The following STK10 variants were observed in gnomAD, a reference collection of about 807,000 sequenced individuals.
STK10 encodes the protein serine/threonine-protein kinase 10.
A neutral mutation model predicts 113.8 loss-of-function variants in STK10; 78 were observed. The ratio of observed to expected loss-of-function variants is 0.69; its 90% CI spans 0.57 to 0.83. STK10 has a LOEUF of 0.83. Ranked by LOEUF, STK10 falls within the 40% of genes least tolerant of loss-of-function variation. The pLI is 0.00. For synonymous variants in STK10, 465 were observed against 494.7 expected, an observed-to-expected ratio of 0.94 and a Z score of 0.80; for missense variants, 1,109 against 1,280.1, an observed-to-expected ratio of 0.87 and a Z score of 2.04.
At chr5:172,159,285 A>G (rs545182261) in intron 1 of STK10, among the ~76,000 whole-genome samples, 72 of 152,260 alleles carry the variant, frequency 4.7e-4, no homozygotes, top group African/African-American at 1.1e-3. Flanking sequence ...CACGCCTACA[A>G]TCCCAGCATT....
chr5:172,053,517 G>A (rs1767677855), intron 17 of STK10, among the ~76,000 whole-genome samples: 1 of 152,226 alleles, frequency 6.6e-6, no homozygotes, highest in South Asian at 2.1e-4. Flanking sequence ...CAAGGAATGA[G>A]GGTCACTGAC....
chr5:172,154,366 A>T lies in STK10; in HGVS notation c.321+2258T>A, dbSNP rs1187275385. 2.6e-5 allele frequency among the ~76,000 whole-genome samples: 4 copies of T among 152,086 alleles called. No individual in the cohort carries two copies. In the East Asian group the frequency reaches 7.7e-4, roughly 29 times the overall value. On this transcript the variant is annotated intron_variant, in intron 2 of 18. Transcript: ENST00000176763. Reference sequence around the variant, plus strand: ...GGCCCCCAATTACTTTACCACCCTCATCTTTCACCACATGCTGCCCTGGCC... The same window carrying T: ...GGCCCCCAATTACTTTACCACCCTCTTCTTTCACCACATGCTGCCCTGGCC...
rs547714650 is a variant in STK10 at position 172,068,049 on chromosome 5, C to T, written c.1990-3237G>A. Reference sequence around the variant, plus strand: ...CCACCGGAGTATCATCCTTAAAGTGCTGAAAGAAGGGCCGGGCGCGGTGGC... The same window carrying T: ...CCACCGGAGTATCATCCTTAAAGTGTTGAAAGAAGGGCCGGGCGCGGTGGC... On this transcript the variant is annotated intron_variant, in intron 12 of 18. Coordinates refer to ENST00000176763, the MANE Select transcript of STK10 (RefSeq NM_005990.4). 2.6e-5 allele frequency among the ~76,000 whole-genome samples: 4 copies of T among 152,220 alleles called. No individual in the cohort carries two copies. In the South Asian group the frequency reaches 8.3e-4, roughly 32 times the overall value.
chr5:172,168,457 G>A (rs1770608085), intron 1 of STK10, among the ~76,000 whole-genome samples: 1 of 152,158 alleles, frequency 6.6e-6, no homozygotes. Context: ...TGAGTTTAGA[G>A]CCCACTAAGG....
intron 10 of STK10, among the ~76,000 whole-genome samples, chr5:172,088,525 A>G (rs961025696): frequency 2.0e-5 from 3 of 152,210 alleles, no homozygotes; most frequent in Non-Finnish European, 2.9e-5. Flanking sequence ...CTCCATCTCA[A>G]AAAATAAATA....
Position 172,082,590 on chromosome 5 carries a change from G to C in STK10, c.1810-85C>G. Reference sequence around the variant, plus strand: ...TGGGAAGTGGAATGGGGAGAACTCAGAGCTTGTGATCAGACCTAAGCTTGA... The same window carrying C: ...TGGGAAGTGGAATGGGGAGAACTCACAGCTTGTGATCAGACCTAAGCTTGA... On this transcript the variant is annotated intron_variant, in intron 11 of 18. Coordinates refer to ENST00000176763, the MANE Select transcript of STK10 (RefSeq NM_005990.4). This position sits in a 1 kb window ranked among gnomAD's most constrained non-coding sequence, Gnocchi z 4.3. 3 of 1,473,664 alleles carry C rather than the reference G, an allele frequency of 2.0e-6. No homozygotes were observed. Among genetic ancestry groups the C allele is most frequent in the Non-Finnish European group, 2.7e-6 (3 of 1,102,366 alleles). The allele number at this position is 1,473,664 out of a possible 1,614,324, so 91.3% of individuals were successfully genotyped here.
At chr5:172,153,306 A>C (rs1244878301) in intron 2 of STK10, among the ~76,000 whole-genome samples, 1 of 151,604 alleles carries the variant, frequency 6.6e-6, no homozygotes, top group African/African-American at 2.4e-5. Context: ...GAAAGAAAGA[A>C]AGAAAGAAAG....
chr5:172,070,553 A>C (rs145653245), intron 12 of STK10, among the ~76,000 whole-genome samples: 2 of 152,174 alleles, frequency 1.3e-5, no homozygotes. Context: ...AATAGTCTCA[A>C]ATCAATGTTC....
chr5:172,142,888 T>A (rs1770006398), intron 2 of STK10, among the ~76,000 whole-genome samples: 1 of 151,800 alleles, frequency 6.6e-6, no homozygotes. Context: ...AGCCCCTGGG[T>A]GGGTGGGGGG....
chr5:172,150,312 C>A (rs1400732890), intron 2 of STK10, among the ~76,000 whole-genome samples: 2 of 151,526 alleles, frequency 1.3e-5, no homozygotes, highest in African/African-American at 4.8e-5. Flanking sequence ...GAAACCCCGT[C>A]TCTACTAAAA....
intron 12 of STK10, 30 bp from the exon 13 acceptor site, chr5:172,064,842 G>C: frequency 6.2e-7 from 1 of 1,610,140 alleles, no homozygotes; most frequent in Non-Finnish European, 8.5e-7. Context: ...GAGTAGCTGG[G>C]TCAGGGTCCT....
intron 3 of STK10, among the ~76,000 whole-genome samples, chr5:172,119,199 G>T (rs766201757): frequency 2.0e-5 from 3 of 151,984 alleles, no homozygotes; most frequent in Non-Finnish European, 4.4e-5. Flanking sequence ...GGCAGGGAGC[G>T]GGAAGGTGGG....
intron 1 of STK10, among the ~76,000 whole-genome samples, chr5:172,185,501 T>C (rs901197905): frequency 6.6e-6 from 1 of 152,056 alleles, no homozygotes; most frequent in African/African-American, 2.4e-5. Context: ...TTTCCTGACC[T>C]CATGATCTGC....
Position 172,064,820 on chromosome 5 carries a change from A to C in STK10, c.1990-8T>G. 6.2e-7 allele frequency: 1 copy of C among 1,613,996 alleles called. No homozygotes were observed. Among genetic ancestry groups the C allele is most frequent in the Non-Finnish European group, 8.5e-7 (1 of 1,180,008 alleles). ...CTCCACCTCGTTCTTCACCTGCAGC[A>C]GAGACAGCAGAGAGTAGCTGGGTCA... On this transcript the variant is annotated splice_polypyrimidine_tract_variant and splice_region_variant and intron_variant, in intron 12 of 18. Transcript: ENST00000176763.
At chr5:172,156,333 T>C (rs1328883167) in intron 2 of STK10, among the ~76,000 whole-genome samples, 1 of 152,218 alleles carries the variant, frequency 6.6e-6, no homozygotes, top group African/African-American at 2.4e-5. Context: ...AACTAAGGCA[T>C]GGAGAGGTTA....
intron 7 of STK10, among the ~76,000 whole-genome samples, chr5:172,105,222 G>A (rs1453504822): frequency 8.1e-6 from 1 of 123,204 alleles, no homozygotes; most frequent in Non-Finnish European, 1.6e-5. Context: ...TGCTGTCCCA[G>A]GCGTTTGCCT....
intron 1 of STK10, among the ~76,000 whole-genome samples, chr5:172,166,309 C>T (rs909395191): frequency 2.0e-5 from 3 of 152,120 alleles, no homozygotes; most frequent in Admixed American, 6.5e-5. Context: ...TACCTGAAGG[C>T]GGACTCTACC....
intron 4 of STK10, among the ~76,000 whole-genome samples, chr5:172,115,343 T>C (rs543105383): frequency 1.3e-5 from 2 of 152,280 alleles, no homozygotes; most frequent in South Asian, 2.1e-4. Context: ...CAGCAGCAGA[T>C]GATGCCGGGA....
intron 1 of STK10, among the ~76,000 whole-genome samples, chr5:172,174,262 T>C (rs539394840): frequency 6.0e-4 from 91 of 152,116 alleles, no homozygotes; most frequent in Non-Finnish European, 1.0e-3. Flanking sequence ...ACCTCCGCCT[T>C]TCGGGTTCAA....
Sources: allele counts gnomAD v4.1 joint callset (sites outside exome capture counted in the v4.1 genomes callset), GRCh38; gene constraint gnomAD v4.1.1; non-coding constraint Gnocchi (gnomAD v3.1); transcripts MANE v1.5; gene names NCBI Gene and HGNC (gene_info 2026-07-23, HGNC 2026-07-21).